Variants in GRM1 observed in about 807,000 individuals in gnomAD.
GRM1 encodes the protein glutamate metabotropic receptor 1.
GRM1 carries 33 observed loss-of-function variants against 90.9 expected under a neutral mutation model. The ratio of observed to expected loss-of-function variants is 0.36; its 90% CI spans 0.28 to 0.49. The LOEUF is 0.49. Ranked by LOEUF, GRM1 falls within the 20% of genes least tolerant of loss-of-function variation. The pLI, the probability that GRM1 is intolerant of heterozygous loss-of-function variation, is 0.99. For synonymous variants in GRM1, 700 were observed against 613.2 expected (o/e 1.14, Z -2.09); for missense variants, 1,190 against 1,534.3 (o/e 0.78, Z 3.75).
chr6:146,284,605 C>T (rs1038403674), intron 2 of GRM1, among the ~76,000 whole-genome samples: 5 of 152,166 alleles, frequency 3.3e-5, no homozygotes, highest in African/African-American at 9.7e-5. Flanking sequence ...ATCATGGAGA[C>T]GATTTCCCCC....
intron 2 of GRM1, among the ~76,000 whole-genome samples, chr6:146,192,413 A>G (rs1778962312): frequency 6.6e-6 from 1 of 152,344 alleles, no homozygotes; most frequent in South Asian, 2.1e-4. Context: ...ATAATTTATT[A>G]GGCACTTGGC....
At chr6:146,237,432 CA>C (rs1228315842) in intron 2 of GRM1, among the ~76,000 whole-genome samples, 3 of 118,214 alleles carry the variant, frequency 2.5e-5, no homozygotes, top group Non-Finnish European at 5.6e-5. Flanking sequence ...GTTTGTTTTT[CA>C]AATATAAATT....
intron 1 of GRM1, among the ~76,000 whole-genome samples, chr6:146,109,213 C>G (rs551347603): frequency 1.3e-5 from 2 of 152,160 alleles, no homozygotes; most frequent in South Asian, 4.2e-4. Context: ...TTATGGCAGC[C>G]CCCCCAATCA....
intron 7 of GRM1, among the ~76,000 whole-genome samples, chr6:146,406,207 A>G (rs534266684): frequency 3.3e-4 from 51 of 152,322 alleles, no homozygotes; most frequent in Admixed American, 7.2e-4. Context: ...TAGCAGAGCC[A>G]TCTGACATTA....
chr6:146,210,122 C>G (rs1779639906), intron 2 of GRM1, among the ~76,000 whole-genome samples: 1 of 152,060 alleles, frequency 6.6e-6, no homozygotes. Context: ...CTTTTATACT[C>G]TTAGAATTTT....
intron 2 of GRM1, among the ~76,000 whole-genome samples, chr6:146,174,176 T>A (rs547406695): frequency 6.6e-6 from 1 of 152,128 alleles, no homozygotes; most frequent in Non-Finnish European, 1.5e-5. Context: ...ATTTTTACTC[T>A]TTTTTCCTAG....
At position 146,310,839 on chromosome 6, in the gene GRM1, G is replaced by A. The variant is rs769724637; in HGVS notation, c.1186+5993G>A. ...GCCAACCCACCACCTGACAGTTGAC[G>A]CCTGAGTGAGCCAAGCTGAGATGAG... On this transcript the variant is annotated intron_variant, in intron 3 of 7. Transcript: ENST00000282753. 3.9e-5 allele frequency among the ~76,000 whole-genome samples: 6 copies of A among 152,280 alleles called. No individual in the cohort carries two copies. The South Asian group carries it at 6.2e-4, about 16-fold the overall frequency.
intron 2 of GRM1, among the ~76,000 whole-genome samples, chr6:146,259,611 T>A (rs2114787046): frequency 6.6e-6 from 1 of 152,290 alleles, no homozygotes; most frequent in Non-Finnish European, 1.5e-5. Context: ...TGTTCATTCA[T>A]GTTGTTTCAG....
chr6:146,062,102 A>G (rs1460619821), intron 1 of GRM1, among the ~76,000 whole-genome samples: 1 of 152,194 alleles, frequency 6.6e-6, no homozygotes, highest in East Asian at 1.9e-4. Flanking sequence ...CCAAATGTCC[A>G]TCAGTGATAG....
chr6:146,325,821 T>G (rs1484885216), intron 3 of GRM1, among the ~76,000 whole-genome samples: 1 of 152,242 alleles, frequency 6.6e-6, no homozygotes, highest in Non-Finnish European at 1.5e-5. Flanking sequence ...TTCTGTGAGT[T>G]TCTTTGCTTA....
chr6:146,247,472 G>C (rs1481628672), intron 2 of GRM1, among the ~76,000 whole-genome samples: 3 of 152,096 alleles, frequency 2.0e-5, no homozygotes, highest in African/African-American at 7.2e-5. Context: ...CATATGGCCG[G>C]GTGCAGCAGC....
intron 3 of GRM1, among the ~76,000 whole-genome samples, chr6:146,325,036 G>C (rs1444931030): frequency 4.6e-5 from 7 of 152,176 alleles, no homozygotes; most frequent in Non-Finnish European, 8.8e-5. Flanking sequence ...TTAAGGCAGT[G>C]AATGAAATAT....
At chr6:146,099,831 G>A (rs1776992742) in intron 1 of GRM1, among the ~76,000 whole-genome samples, 1 of 152,008 alleles carries the variant, frequency 6.6e-6, no homozygotes, top group Admixed American at 6.6e-5. Flanking sequence ...TTTGCATTTT[G>A]GGGCTATTTT....
intron 1 of GRM1, among the ~76,000 whole-genome samples, chr6:146,090,048 G>A (rs1044619566): frequency 2.0e-5 from 3 of 151,866 alleles, no homozygotes; most frequent in Non-Finnish European, 4.4e-5. Context: ...AAATCTACTT[G>A]TTTTCTGTTG....
chr6:146,232,602 G>A (rs1780486378), intron 2 of GRM1, among the ~76,000 whole-genome samples: 1 of 151,954 alleles, frequency 6.6e-6, no homozygotes, highest in Non-Finnish European at 1.5e-5. Context: ...ACCCTGTTGT[G>A]TTATCAAATA....
chr6:146,349,044 CTATTATTATTATTATTATTATTATTAT>C (rs71028388), intron 3 of GRM1, among the ~76,000 whole-genome samples: 1 of 141,538 alleles, frequency 7.1e-6, no homozygotes, highest in Non-Finnish European at 1.5e-5. Flanking sequence ...GAAGTGGTAG[CTATTATTATTATTATTATTATTATTAT>C]TATTATTATT....
Position 146,159,380 on chromosome 6 carries a change from A to G in GRM1, c.733A>G (p.Lys245Glu). The change falls in exon 2 of 8, where the codon AAA (lysine) becomes GAA (glutamate). Residue 245 changes from lysine to glutamate, a missense_variant. Physicochemically the swap from Lys to Glu is moderately conservative, Grantham distance 56. Coordinates refer to ENST00000282753, the MANE Select transcript of GRM1 (RefSeq NM_001278064.2). Reference sequence around the variant, plus strand: ...TGGGGAGAGCGGAATGGACGCTTTCAAAGAGCTGGCTGCCCAGGAAGGCCT... The same window carrying G: ...TGGGGAGAGCGGAATGGACGCTTTCGAAGAGCTGGCTGCCCAGGAAGGCCT... The part of the protein sequence containing the change: ...NYGESGMDAF[K>E]ELAAQEGLCI... 2 of 1,614,140 alleles carry G rather than the reference A, an allele frequency of 1.2e-6. No individual in the cohort carries two copies. Among genetic ancestry groups the G allele is most frequent in the Non-Finnish European group, 1.7e-6 (2 of 1,179,954 alleles).
At chr6:146,324,115 C>A (rs577756478) in intron 3 of GRM1, among the ~76,000 whole-genome samples, 11 of 152,326 alleles carry the variant, frequency 7.2e-5, no homozygotes, top group Non-Finnish European at 1.5e-4. Flanking sequence ...TCTAGAGAGG[C>A]AGTCTGGCTA....
At chr6:146,154,637 T>C (rs564654561) in intron 1 of GRM1, among the ~76,000 whole-genome samples, 2 of 152,334 alleles carry the variant, frequency 1.3e-5, no homozygotes, top group African/African-American at 4.8e-5. Context: ...GAATGTCTTA[T>C]TAGATTTAAT....
Sources: allele counts gnomAD v4.1 joint callset (sites outside exome capture counted in the v4.1 genomes callset), GRCh38; gene constraint gnomAD v4.1.1; transcripts MANE v1.5; gene names NCBI Gene and HGNC (gene_info 2026-07-23, HGNC 2026-07-21).